The following HES2 variants were observed in gnomAD, a reference collection of about 807,000 sequenced individuals.
HES2 encodes the protein hes family bHLH transcription factor 2, also known as transcription factor HES-2.
HES2 carries 11 observed loss-of-function variants against 11.9 expected under a neutral mutation model. That is an observed-to-expected ratio of 0.92 (90% confidence interval 0.58 to 1.53). The LOEUF (loss-of-function observed/expected upper bound fraction) is 1.53. HES2 is among the 40% of genes most tolerant of loss of function. The probability of loss-of-function intolerance (pLI) is 0.00; values close to 1 mark genes in which losing one functional copy is unlikely to be tolerated. For missense variants in HES2, 260 were observed against 253.8 expected (o/e 1.02, Z -0.16); for synonymous variants, 125 against 122.8 (o/e 1.02, Z -0.12).
In HES2 at chr1:6,415,450, C is replaced by T. The variant is rs565605975; in HGVS notation, c.*3423G>A. 9 of 152,032 alleles carry T rather than the reference C, an allele frequency of 5.9e-5. No individual in the cohort carries two copies. The highest frequency in any genetic ancestry group is 3.9e-4 in the East Asian group (2 of 5,186). 9.4% of individuals were successfully genotyped at this position (152,032 alleles called of 1,614,324 possible). A position where few individuals can be genotyped will look rare whatever the true frequency, so the allele number is the denominator to read the frequency against. ...CTGTTGTGAAGCTGGTTCTCCCAGA[C>T]GTTCCCTGCAGGCTGTTTATGCAGC... is the stretch of plus-strand genomic sequence containing the variant. On this transcript the variant is annotated 3_prime_UTR_variant, in exon 4 of 4. Transcript: ENST00000377834.
At position 6,418,086 on chromosome 1, in the gene HES2, A is replaced by G. The variant is rs959898841; in HGVS notation, c.*787T>C. 1 of 152,244 alleles carries G rather than the reference A, an allele frequency of 6.6e-6. No individual in the cohort carries two copies. 9.4% of individuals were successfully genotyped at this position (152,244 alleles called of 1,614,324 possible). A position where few individuals can be genotyped will look rare whatever the true frequency, so the allele number is the denominator to read the frequency against. On this transcript the variant is annotated 3_prime_UTR_variant, in exon 4 of 4. Transcript: ENST00000377834. ...CTGGAGTCAGATCCTCCAAAGCCAC[A>G]AGCTTCCTTGAGGCCACGGGGCCGC...
rs1642880512 is a variant in HES2 at position 6,419,048 on chromosome 1, A to G, written c.347T>C (p.Leu116Pro). The change falls in exon 4 of 4, where the codon CTG (leucine) becomes CCG (proline). Residue 116 changes from leucine (L) to proline (P), a missense_variant. Coordinates refer to ENST00000377834, the MANE Select transcript of HES2 (RefSeq NM_019089.5). This position sits in a 1 kb window ranked among gnomAD's most constrained non-coding sequence, Gnocchi z 8.1. The stretch of plus-strand genomic sequence containing the variant: ...GGCCGCTCTCCGCCACAGGTGCTCC[A>G]GCAGGCGCGCGCTCACGGCGGGCTC... ...VLEPAVSARL[L>P]EHLWRRAASA... The G allele has an allele frequency of 3.4e-6, 5 of 1,468,730 alleles. No homozygotes were observed. The highest frequency in any genetic ancestry group is 4.5e-6 in the Non-Finnish European group (5 of 1,119,854). The allele number at this position is 1,468,730 out of a possible 1,614,324, so 91.0% of individuals were successfully genotyped here. A position where few individuals can be genotyped will look rare whatever the true frequency, so the allele number is the denominator to read the frequency against.
In HES2 at chr1:6,419,547, C is replaced by A; in HGVS notation, c.141+60G>T. The A allele has an allele frequency of 7.2e-7, 1 of 1,397,452 alleles. No individual in the cohort carries two copies. Among genetic ancestry groups the A allele is most frequent in the South Asian group, 1.3e-5 (1 of 75,120 alleles). 86.6% of individuals were successfully genotyped at this position (1,397,452 alleles called of 1,614,324 possible). On this transcript the variant is annotated intron_variant, in intron 2 of 3. Transcript: ENST00000377834. The surrounding 1 kb of genome is among the most constrained non-coding windows in gnomAD (Gnocchi z 8.1). ...GTGGGTTCCTCCCGCAGGAGCACCCCGTCCCCCTGCCCCCGCTCCGCGCCC... is the reference window on the plus strand; with the variant it reads ...GTGGGTTCCTCCCGCAGGAGCACCCAGTCCCCCTGCCCCCGCTCCGCGCCC...
In HES2 at chr1:6,419,828, G is replaced by T. The variant is rs1642891758; in HGVS notation, c.-8C>A. The T allele has an allele frequency of 1.3e-6, 2 of 1,551,234 alleles. No homozygotes were observed. Among genetic ancestry groups the T allele is most frequent in the East Asian group, 2.6e-5 (1 of 38,844 alleles). On this transcript the variant is annotated 5_prime_UTR_variant, in exon 1 of 4. Coordinates refer to ENST00000377834, the MANE Select transcript of HES2 (RefSeq NM_019089.5). This position sits in a 1 kb window ranked among gnomAD's most constrained non-coding sequence, Gnocchi z 8.1. ...CCGGCGAGGCAGCCCCATGCTCCGC[G>T]GGGAAGCGGTGGCAGCTGCGAGCCC...
In HES2 at chr1:6,418,914, G is replaced by C. The variant is rs1642878212; in HGVS notation, c.481C>G (p.Pro161Ala). 7.6e-7 allele frequency: 1 copy of C among 1,316,000 alleles called. No individual in the cohort carries two copies. Among genetic ancestry groups the C allele is most frequent in the Non-Finnish European group, 9.6e-7 (1 of 1,040,496 alleles). 81.5% of individuals were successfully genotyped at this position (1,316,000 alleles called of 1,614,324 possible). ...EPASAPVPSPPSPPCGPGLWR... is the reference protein window; with the variant it reads ...EPASAPVPSPASPPCGPGLWR... ...AGGCCAGGGCCGCAGGGAGGCGAGG[G>C]CGGCGAGGGCACCGGAGCGGATGCG... The change falls in exon 4 of 4, where the codon CCC becomes GCC. Residue 161 changes from proline to alanine, a missense_variant. Physicochemically the swap from Pro to Ala is conservative, Grantham distance 27. Transcript: ENST00000377834.
Position 6,419,330 on chromosome 1 carries a change from C to G in HES2, c.152G>C (p.Cys51Ser). 6.2e-7 allele frequency: 1 copy of G among 1,610,176 alleles called. No homozygotes were observed. ...GACGTCTGCCTTCTCTAGCTTCGAG[C>G]AGTTGGAGTTCTGCGCCCGGCCACG... Reference protein sequence around the residue: ...LPLLGRENSNCSKLEKADVLE... With the variant: ...LPLLGRENSNSSKLEKADVLE... Residue 51 changes from cysteine to serine, a missense_variant, in exon 3 of 4, where the codon TGC becomes TCC. Coordinates refer to ENST00000377834, the MANE Select transcript of HES2 (RefSeq NM_019089.5). The surrounding 1 kb of genome is among the most constrained non-coding windows in gnomAD (Gnocchi z 8.1).
chr1:6,418,891 G>A lies in HES2; in HGVS notation c.504C>T (p.Gly168=), dbSNP rs1642877978. The A allele has an allele frequency of 3.0e-6, 4 of 1,313,836 alleles. No homozygotes were observed. Among genetic ancestry groups the A allele is most frequent in the Admixed American group, 4.2e-5 (1 of 24,074 alleles). The allele number at this position is 1,313,836 out of a possible 1,614,324, so 81.4% of individuals were successfully genotyped here. A position where few individuals can be genotyped will look rare whatever the true frequency, so the allele number is the denominator to read the frequency against. The change falls in exon 4 of 4, where the codon GGC becomes GGT. Residue 168 remains glycine (G), a synonymous_variant. Transcript: ENST00000377834. ...PSPPSPPCGP[G]LWRPW The stretch of plus-strand genomic sequence containing the variant: ...CGAGGGGCTACCACGGCCGCCAGAG[G>A]CCAGGGCCGCAGGGAGGCGAGGGCG...
Position 6,419,616 on chromosome 1 carries a change from C to T in HES2, c.132G>A (p.Leu44=), listed in dbSNP as rs1324799132. The change falls in exon 2 of 4, where the codon CTG becomes CTA. Residue 44 remains leucine, a synonymous_variant. Coordinates refer to ENST00000377834, the MANE Select transcript of HES2 (RefSeq NM_019089.5). This position sits in a 1 kb window ranked among gnomAD's most constrained non-coding sequence, Gnocchi z 8.1. ...SQLKGLILPL[L]GRENSNCSKL... Reference sequence around the variant, plus strand: ...GCCCGGGCGCGCTCACCTCCCGGCCCAGCAGCGGCAGGATGAGCCCCTTAA... The same window carrying T: ...GCCCGGGCGCGCTCACCTCCCGGCCTAGCAGCGGCAGGATGAGCCCCTTAA... 14 of 1,538,306 alleles carry T rather than the reference C, an allele frequency of 9.1e-6. No individual in the cohort carries two copies. The highest frequency in any genetic ancestry group is 1.2e-5 in the South Asian group (1 of 83,420).
Position 6,418,066 on chromosome 1 carries a change from G to C in HES2, c.*807C>G, listed in dbSNP as rs753259120. On this transcript the variant is annotated 3_prime_UTR_variant, in exon 4 of 4. Transcript: ENST00000377834. ...CCACATTGGCACAGACTCTGCTGGAGTCAGATCCTCCAAAGCCACAAGCTT... is the reference window on the plus strand; with the variant it reads ...CCACATTGGCACAGACTCTGCTGGACTCAGATCCTCCAAAGCCACAAGCTT... 3.9e-5 allele frequency: 6 copies of C among 152,284 alleles called. No individual in the cohort carries two copies. The highest frequency in any genetic ancestry group is 1.3e-4 in the Admixed American group (2 of 15,294). 9.4% of individuals were successfully genotyped at this position (152,284 alleles called of 1,614,324 possible).
rs1049787869 is a variant in HES2 at position 6,415,652 on chromosome 1, G to A, written c.*3221C>T. 2.0e-5 allele frequency: 3 copies of A among 152,178 alleles called. No individual in the cohort carries two copies. Among genetic ancestry groups the A allele is most frequent in the African/African-American group, 2.4e-5 (1 of 41,426 alleles). The allele number at this position is 152,178 out of a possible 1,614,324, so 9.4% of individuals were successfully genotyped here. On this transcript the variant is annotated 3_prime_UTR_variant, in exon 4 of 4. Transcript: ENST00000377834. ...GACCTCTCCTAATCACCTGGTGCCC[G>A]AGGAGCAGGTAGGCGCCTGTCCCAA...
rs1227831926 is a variant in HES2, at chr1:6,415,830, G to C, written c.*3043C>G. The C allele has an allele frequency of 6.6e-6, 1 of 152,410 alleles. No individual in the cohort carries two copies. Among genetic ancestry groups the C allele is most frequent in the Non-Finnish European group, 1.5e-5 (1 of 68,250 alleles). 9.4% of individuals were successfully genotyped at this position (152,410 alleles called of 1,614,324 possible). A position where few individuals can be genotyped will look rare whatever the true frequency, so the allele number is the denominator to read the frequency against. On this transcript the variant is annotated 3_prime_UTR_variant, in exon 4 of 4. Transcript: ENST00000377834. ...GTCTTGCTCTGTCACCCAGGCTGGAGTGCAGTGGCGCGATCTCGGCTCACT... is the reference window on the plus strand; with the variant it reads ...GTCTTGCTCTGTCACCCAGGCTGGACTGCAGTGGCGCGATCTCGGCTCACT...
Position 6,419,783 on chromosome 1 carries a change from A to T in HES2, c.38T>A (p.Leu13Gln). ...LPRRAGDAAE[L>Q]RKSLKPLLEK... Reference sequence around the variant, plus strand: ...CCAGTCCCCGGTACCCACCTTGCGCAGCTCCGCCGCGTCCCCTGCCCGGCG... The same window carrying T: ...CCAGTCCCCGGTACCCACCTTGCGCTGCTCCGCCGCGTCCCCTGCCCGGCG... Residue 13 changes from leucine to glutamine, a missense_variant, in exon 1 of 4, where the codon CTG (leucine) becomes CAG (glutamine). Transcript: ENST00000377834. The surrounding 1 kb of genome is among the most constrained non-coding windows in gnomAD (Gnocchi z 8.1). The T allele has an allele frequency of 6.4e-7, 1 of 1,558,818 alleles. No homozygotes were observed. The highest frequency in any genetic ancestry group is 1.2e-5 in the South Asian group (1 of 84,488).
Position 6,419,728 on chromosome 1 carries a change from G to C in HES2, c.46-26C>G. The C allele has an allele frequency of 6.4e-7, 1 of 1,551,580 alleles. No homozygotes were observed. The highest frequency in any genetic ancestry group is 1.2e-5 in the South Asian group (1 of 84,156). Reference sequence around the variant, plus strand: ...CTGCGGACGGGCGGCGCGGTGGTTAGACGGGTCCCCGGAGTCCCCAGCCCC... The same window carrying C: ...CTGCGGACGGGCGGCGCGGTGGTTACACGGGTCCCCGGAGTCCCCAGCCCC... On this transcript the variant is annotated intron_variant, in intron 1 of 3. Coordinates refer to ENST00000377834, the MANE Select transcript of HES2 (RefSeq NM_019089.5). This position sits in a 1 kb window ranked among gnomAD's most constrained non-coding sequence, Gnocchi z 8.1.
Position 6,419,618 on chromosome 1 carries a change from G to A in HES2, c.130C>T (p.Leu44=). ...SQLKGLILPL[L]GRENSNCSKL... Reference sequence around the variant, plus strand: ...CCGGGCGCGCTCACCTCCCGGCCCAGCAGCGGCAGGATGAGCCCCTTAAGC... The same window carrying A: ...CCGGGCGCGCTCACCTCCCGGCCCAACAGCGGCAGGATGAGCCCCTTAAGC... The change falls in exon 2 of 4, where the codon CTG becomes TTG. Residue 44 remains leucine, a synonymous_variant. Transcript: ENST00000377834. The surrounding 1 kb of genome is among the most constrained non-coding windows in gnomAD (Gnocchi z 8.1). 6.5e-7 allele frequency: 1 copy of A among 1,538,744 alleles called. No homozygotes were observed. Among genetic ancestry groups the A allele is most frequent in the Non-Finnish European group, 8.7e-7 (1 of 1,145,802 alleles).
At position 6,419,856 on chromosome 1, in the gene HES2, C is replaced by G; in HGVS notation, c.-36G>C. Reference sequence around the variant, plus strand: ...GAAGCGGTGGCAGCTGCGAGCCCCACGCAAAGGGAAACCGAGGTCCGAAAT... The same window carrying G: ...GAAGCGGTGGCAGCTGCGAGCCCCAGGCAAAGGGAAACCGAGGTCCGAAAT... On this transcript the variant is annotated 5_prime_UTR_variant, in exon 1 of 4. Transcript: ENST00000377834. The surrounding 1 kb of genome is among the most constrained non-coding windows in gnomAD (Gnocchi z 8.1). 1 of 1,527,842 alleles carries G rather than the reference C, an allele frequency of 6.5e-7. No individual in the cohort carries two copies. Among genetic ancestry groups the G allele is most frequent in the Non-Finnish European group, 8.8e-7 (1 of 1,142,088 alleles). 94.6% of individuals were successfully genotyped at this position (1,527,842 alleles called of 1,614,324 possible).
chr1:6,418,356 T>A lies in HES2; in HGVS notation c.*517A>T, dbSNP rs1642872960. The A allele has an allele frequency of 6.5e-6, 1 of 154,044 alleles. No individual in the cohort carries two copies. The highest frequency in any genetic ancestry group is 2.1e-4 in the South Asian group (1 of 4,854). The allele number at this position is 154,044 out of a possible 1,614,324, so 9.5% of individuals were successfully genotyped here. The stretch of plus-strand genomic sequence containing the variant: ...CCTTTTGCTCTGCTCTGCTGCCCTG[T>A]AGAGCCCTGGAAGTGACCAGAGCCC... On this transcript the variant is annotated 3_prime_UTR_variant, in exon 4 of 4. Coordinates refer to ENST00000377834, the MANE Select transcript of HES2 (RefSeq NM_019089.5).
rs888236302 is a variant in HES2 at position 6,419,547 on chromosome 1, C to T, written c.141+60G>A. The T allele has an allele frequency of 2.2e-5, 31 of 1,397,342 alleles. No homozygotes were observed. The African/African-American group carries it at 4.5e-4, about 20-fold the overall frequency. 86.6% of individuals were successfully genotyped at this position (1,397,342 alleles called of 1,614,324 possible). ...GTGGGTTCCTCCCGCAGGAGCACCC[C>T]GTCCCCCTGCCCCCGCTCCGCGCCC... On this transcript the variant is annotated intron_variant, in intron 2 of 3. Transcript: ENST00000377834. This position sits in a 1 kb window ranked among gnomAD's most constrained non-coding sequence, Gnocchi z 8.1.
chr1:6,419,113 C>G lies in HES2; in HGVS notation c.282G>C (p.Val94=), dbSNP rs1262031260. 6.6e-7 allele frequency: 1 copy of G among 1,510,920 alleles called. No homozygotes were observed. The allele number at this position is 1,510,920 out of a possible 1,614,324, so 93.6% of individuals were successfully genotyped here. ...DSYREGYSAC[V]ARLARVLPAC... is the part of the protein sequence containing the mutation. ...CGGGCAGCACGCGGGCCAGGCGCGC[C>G]ACACAGGCGCTGTAGCCCTCGCGGT... Residue 94 remains valine, a synonymous_variant, in exon 4 of 4, where the codon GTG becomes GTC. Coordinates refer to ENST00000377834, the MANE Select transcript of HES2 (RefSeq NM_019089.5). The surrounding 1 kb of genome is among the most constrained non-coding windows in gnomAD (Gnocchi z 8.1).
At position 6,419,768 on chromosome 1, in the gene HES2, G is replaced by A; in HGVS notation, c.45+8C>T. ...TCCCCAGCCCCGCCCCCAGTCCCCG[G>A]TACCCACCTTGCGCAGCTCCGCCGC... On this transcript the variant is annotated splice_region_variant and intron_variant, in intron 1 of 3. Coordinates refer to ENST00000377834, the MANE Select transcript of HES2 (RefSeq NM_019089.5). The surrounding 1 kb of genome is among the most constrained non-coding windows in gnomAD (Gnocchi z 8.1). 2 of 1,565,292 alleles carry A rather than the reference G, an allele frequency of 1.3e-6. No individual in the cohort carries two copies. The highest frequency in any genetic ancestry group is 1.7e-6 in the Non-Finnish European group (2 of 1,159,702).
Sources: allele counts gnomAD v4.1 joint callset, GRCh38; gene constraint gnomAD v4.1.1; non-coding constraint Gnocchi (gnomAD v3.1); transcripts MANE v1.5; gene names NCBI Gene and HGNC (gene_info 2026-07-23, HGNC 2026-07-21).